The following ATP10D variants were observed in gnomAD, a reference collection of about 807,000 sequenced individuals.
ATP10D encodes the protein phospholipid-transporting ATPase VD.
Under a neutral mutation model 144.8 loss-of-function variants are expected in ATP10D, and 89 were observed. The ratio of observed to expected loss-of-function variants is 0.61; its 90% CI spans 0.52 to 0.73. ATP10D has a LOEUF of 0.73. Among genes scored for constraint, ATP10D ranks in the 30% least tolerant of loss-of-function variants. The pLI is 0.00. For missense variants in ATP10D, 1,603 were observed against 1,714.8 expected (o/e 0.93, Z 1.15); for synonymous variants, 571 against 615.1 (o/e 0.93, Z 1.06).
At chr4:47,488,609 AAGC>A (rs1392502702) in intron 1 of ATP10D, among the ~76,000 whole-genome samples, 5 of 100,682 alleles carry the variant, frequency 5.0e-5, no homozygotes, top group Admixed American at 2.4e-4. Context: ...GAAATATAAT[AAGC>A]AAAAAAAAAA....
intron 1 of ATP10D, among the ~76,000 whole-genome samples, chr4:47,495,957 G>A (rs1458266938): frequency 2.6e-5 from 4 of 151,808 alleles, no homozygotes; most frequent in East Asian, 1.9e-4. Flanking sequence ...GGCTGGTCGC[G>A]AACTCCTGAC....
intron 18 of ATP10D, among the ~76,000 whole-genome samples, chr4:47,574,695 A>C (rs1273130882): frequency 6.6e-6 from 1 of 152,164 alleles, no homozygotes; most frequent in Non-Finnish European, 1.5e-5. Context: ...GAAATTCAAA[A>C]TCTAGTCTAA....
intron 18 of ATP10D, among the ~76,000 whole-genome samples, chr4:47,575,269 ACT>A (rs566286373): frequency 1.3e-5 from 2 of 152,000 alleles, no homozygotes; most frequent in South Asian, 4.2e-4. Context: ...TTGAGACAAA[ACT>A]CTCTCTAAGT....
At chr4:47,572,809 G>A (rs116550968) in intron 17 of ATP10D, 63 bp from the exon 18 acceptor site, 31,922 of 1,605,602 alleles carry the variant, frequency 0.02, 546 homozygotes, top group Middle Eastern at 0.073. Flanking sequence ...CAAGAATTGT[G>A]CTGTGTCTGT....
In ATP10D at chr4:47,568,950, G is replaced by T. The variant is rs1464258313; in HGVS notation, c.2967G>T (p.Arg989=). Reference sequence around the variant, plus strand: ...ATTTACTTCAGCCTCCTGTCCCCCGGGACTCAGGGTTACGAGCTGGACTCA... The same window carrying T: ...ATTTACTTCAGCCTCCTGTCCCCCGTGACTCAGGGTTACGAGCTGGACTCA... ...SEDLLQPPVP[R]DSGLRAGLII... The change falls in exon 16 of 23, where the codon CGG becomes CGT. Residue 989 remains arginine (R), a synonymous_variant. Coordinates refer to ENST00000273859, the MANE Select transcript of ATP10D (RefSeq NM_020453.4). The T allele has an allele frequency of 6.2e-7, 1 of 1,614,110 alleles. No homozygotes were observed. Among genetic ancestry groups the T allele is most frequent in the South Asian group, 1.1e-5 (1 of 91,074 alleles).
At chr4:47,497,550 A>T (rs991825982) in intron 1 of ATP10D, among the ~76,000 whole-genome samples, 3 of 152,190 alleles carry the variant, frequency 2.0e-5, no homozygotes, top group African/African-American at 7.2e-5. Context: ...CAAATAGGCC[A>T]TGAAAATATT....
chr4:47,515,469 G>A lies in ATP10D; in HGVS notation c.291-7G>A. 1 of 1,606,358 alleles carries A rather than the reference G, an allele frequency of 6.2e-7. No homozygotes were observed. On this transcript the variant is annotated splice_region_variant and splice_polypyrimidine_tract_variant and intron_variant, in intron 2 of 22. Transcript: ENST00000273859. ...TTAACACCTCCCTTTGTGTGTTTGG[G>A]TTGCAGAGCTGCCAATTTATATTTC...
chr4:47,514,843 C>T (rs1716547645), intron 2 of ATP10D, among the ~76,000 whole-genome samples: 1 of 152,048 alleles, frequency 6.6e-6, no homozygotes, highest in African/African-American at 2.4e-5. Context: ...CTCTGAATTT[C>T]TTCTAAATTT....
At chr4:47,532,827 C>G (rs1269405698) in intron 5 of ATP10D, among the ~76,000 whole-genome samples, 4 of 152,042 alleles carry the variant, frequency 2.6e-5, no homozygotes, top group Admixed American at 1.3e-4. Flanking sequence ...CCTGTATTAC[C>G]TCCTCTTAGA....
chr4:47,537,856 G>C (rs1423312907), intron 9 of ATP10D, among the ~76,000 whole-genome samples: 1 of 152,080 alleles, frequency 6.6e-6, no homozygotes, highest in Non-Finnish European at 1.5e-5. Context: ...CATTTTGTGA[G>C]CTCCCAATAT....
intron 11 of ATP10D, 90 bp from the exon 12 acceptor site, chr4:47,557,574 T>C: frequency 7.4e-7 from 1 of 1,344,618 alleles, no homozygotes; most frequent in Non-Finnish European, 9.9e-7. Context: ...TGGTAACTCT[T>C]TTTATATCTA....
chr4:47,565,715 C>A (rs1005838546), intron 15 of ATP10D, among the ~76,000 whole-genome samples: 3 of 151,990 alleles, frequency 2.0e-5, no homozygotes, highest in African/African-American at 7.3e-5. Context: ...ATCTTTAGGA[C>A]TGTGAAATTC....
rs1277773148 is a variant in ATP10D, at chr4:47,558,233, T to G, written c.2394T>G (p.Ala798=). ...AAGTTGTGGTGTATACGAAAGGCGC[T>G]GATTCTGTGATCATGGAGTTACTGT... The part of the protein sequence containing the change: ...SNQVVVYTKG[A]DSVIMELLSV... The change falls in exon 12 of 23, where the codon GCT becomes GCG. Residue 798 remains alanine (A), a synonymous_variant. Coordinates refer to ENST00000273859, the MANE Select transcript of ATP10D (RefSeq NM_020453.4). 1 of 1,614,138 alleles carries G rather than the reference T, an allele frequency of 6.2e-7. No homozygotes were observed. The highest frequency in any genetic ancestry group is 1.1e-5 in the South Asian group (1 of 91,088).
At chr4:47,500,978 ACT>A (rs1224170844) in intron 1 of ATP10D, among the ~76,000 whole-genome samples, 2 of 152,138 alleles carry the variant, frequency 1.3e-5, no homozygotes, top group Non-Finnish European at 2.9e-5. Flanking sequence ...CGTTAAAGTG[ACT>A]CTGACAAGGT....
In ATP10D at chr4:47,568,931, T is replaced by C. The variant is rs769906876; in HGVS notation, c.2948T>C (p.Leu983Pro). 6.2e-7 allele frequency: 1 copy of C among 1,614,172 alleles called. No individual in the cohort carries two copies. Among genetic ancestry groups the C allele is most frequent in the East Asian group, 2.2e-5 (1 of 44,868 alleles). Residue 983 changes from leucine to proline, a missense_variant, in exon 16 of 23, where the codon CTT becomes CCT. Leu to Pro is a moderately conservative substitution (Grantham distance 98). Transcript: ENST00000273859. Reference sequence around the variant, plus strand: ...CAAGTGTCATTAAGTGAAGATTTACTTCAGCCTCCTGTCCCCCGGGACTCA... The same window carrying C: ...CAAGTGTCATTAAGTGAAGATTTACCTCAGCCTCCTGTCCCCCGGGACTCA... ...PEQVSLSEDL[L>P]QPPVPRDSGL... is the part of the protein sequence containing the mutation.
chr4:47,557,756 T>A lies in ATP10D; in HGVS notation c.1917T>A (p.Ser639=). The stretch of plus-strand genomic sequence containing the variant: ...GATGGTCTGTCCGAAGATCAAGTTC[T>A]CCATCGCTTAACAGTGGGAAAGAGC... The part of the protein sequence containing the change: ...FQRWSVRRSS[S]PSLNSGKEPS... The change falls in exon 12 of 23, where the codon TCT becomes TCA. Residue 639 remains serine, a synonymous_variant. Transcript: ENST00000273859. 6.2e-7 allele frequency: 1 copy of A among 1,614,228 alleles called. No individual in the cohort carries two copies. Among genetic ancestry groups the A allele is most frequent in the Non-Finnish European group, 8.5e-7 (1 of 1,180,042 alleles).
Position 47,536,706 on chromosome 4 carries a change from C to G in ATP10D, c.1164C>G (p.Leu388=). 1.9e-6 allele frequency: 3 copies of G among 1,611,288 alleles called. No individual in the cohort carries two copies. The highest frequency in any genetic ancestry group is 1.7e-6 in the Non-Finnish European group (2 of 1,179,034). The change falls in exon 9 of 23, where the codon CTC becomes CTG. Residue 388 remains leucine (L), a synonymous_variant. Coordinates refer to ENST00000273859, the MANE Select transcript of ATP10D (RefSeq NM_020453.4). ...CTTAGGTCTTGATTCCTATTTCTCT[C>G]TATGTTTCCATCGAAATTGTGAAGC... ...ILLQVLIPIS[L]YVSIEIVKLG...
intron 1 of ATP10D, among the ~76,000 whole-genome samples, chr4:47,485,820 T>C (rs12651682): frequency 1.1e-3 from 4 of 3,782 alleles, no homozygotes; most frequent in Admixed American, 2.8e-3. Context: ...CACGGGCACG[T>C]ACATACACGC....
intron 1 of ATP10D, among the ~76,000 whole-genome samples, chr4:47,493,469 T>TA: frequency 6.6e-6 from 1 of 152,226 alleles, no homozygotes; most frequent in East Asian, 1.9e-4. Flanking sequence ...GGCTTTGTGT[T>TA]AGATGACTTT....
Sources: allele counts gnomAD v4.1 joint callset (sites outside exome capture counted in the v4.1 genomes callset), GRCh38; gene constraint gnomAD v4.1.1; transcripts MANE v1.5; gene names NCBI Gene and HGNC (gene_info 2026-07-23, HGNC 2026-07-21).